RBFOX1: variants seen among roughly 807,000 people sequenced by gnomAD.
RBFOX1 encodes RNA binding protein fox-1 homolog 1.
A neutral mutation model predicts 57.7 loss-of-function variants in RBFOX1; 8 were observed. The ratio of observed to expected loss-of-function variants is 0.14; its 90% CI spans 0.08 to 0.25. The LOEUF (loss-of-function observed/expected upper bound fraction) is 0.25, where lower values mean the gene tolerates loss of function less well. Among genes scored for constraint, RBFOX1 ranks in the 10% least tolerant of loss-of-function variants. RBFOX1 has a pLI of 1.00. For synonymous variants in RBFOX1, 326 were observed against 222.4 expected (o/e 1.47, Z -4.15); for missense variants, 611 against 548.5 (o/e 1.11, Z -1.14).
intron 4 of RBFOX1, among the ~76,000 whole-genome samples, chr16:7,376,117 A>T (rs4265817): frequency 0.59 from 90,358 of 152,072 alleles, 27,733 homozygotes; most frequent in African/African-American, 0.75. Flanking sequence ...TAAAACAACA[A>T]GAAATAATAC....
At chr16:7,705,359 G>T (rs1023408644) in intron 14 of RBFOX1, among the ~76,000 whole-genome samples, 12 of 152,056 alleles carry the variant, frequency 7.9e-5, no homozygotes, top group Non-Finnish European at 1.6e-4. Flanking sequence ...AGAAAAATTA[G>T]CTGGGTGTGG....
chr16:7,130,728 A>C (rs1351252047), intron 4 of RBFOX1, among the ~76,000 whole-genome samples: 1 of 152,218 alleles, frequency 6.6e-6, no homozygotes, highest in African/African-American at 2.4e-5. Context: ...CTCGAAGCCC[A>C]TTCCTGGCCA....
rs2097739772 is a variant in RBFOX1, at chr16:6,593,306, G to A, written c.-63-61297G>A. 1.3e-5 allele frequency among the ~76,000 whole-genome samples: 2 copies of A among 152,168 alleles called. 1 individual carries two copies. Among genetic ancestry groups the A allele is most frequent in the South Asian group, 4.1e-4 (2 of 4,832 alleles). ...ATGTATTGCTCAATACAGGGTGTAA[G>A]TTTACCAGGTGGTGTTATAATCAGT... On this transcript the variant is annotated intron_variant, in intron 2 of 15. Transcript: ENST00000550418.
At chr16:7,663,653 C>G (rs573389015) in intron 12 of RBFOX1, among the ~76,000 whole-genome samples, 1 of 152,240 alleles carries the variant, frequency 6.6e-6, no homozygotes, top group South Asian at 2.1e-4. Context: ...CAGCTTCATT[C>G]AATGGTGGGG....
intron 14 of RBFOX1, among the ~76,000 whole-genome samples, chr16:7,689,420 G>A (rs181793932): frequency 1.3e-5 from 2 of 152,218 alleles, no homozygotes; most frequent in African/African-American, 4.8e-5. Context: ...AGCAGGAGGC[G>A]TGATTCCCTC....
chr16:7,092,298 T>G (rs898363205), intron 4 of RBFOX1, among the ~76,000 whole-genome samples: 1 of 152,210 alleles, frequency 6.6e-6, no homozygotes, highest in Non-Finnish European at 1.5e-5. Context: ...ATTAAAAGCC[T>G]GTATCAATTG....
chr16:6,387,671 T>A, intron 2 of RBFOX1, among the ~76,000 whole-genome samples: 1 of 152,094 alleles, frequency 6.6e-6, no homozygotes, highest in Middle Eastern at 3.4e-3. Flanking sequence ...TTTAGCTTTA[T>A]GCACTTGGGA....
chr16:6,725,201 C>T (rs1448906704), intron 3 of RBFOX1, among the ~76,000 whole-genome samples: 1 of 151,930 alleles, frequency 6.6e-6, no homozygotes, highest in African/African-American at 2.4e-5. Flanking sequence ...CAGGCACCCG[C>T]CACCATGCCC....
At chr16:7,021,757 G>C (rs1448284479) in intron 3 of RBFOX1, among the ~76,000 whole-genome samples, 1 of 150,588 alleles carries the variant, frequency 6.6e-6, no homozygotes, top group African/African-American at 2.4e-5. Context: ...AAGAGTAACA[G>C]TTTTTATTTA....
rs575852050 is a variant in RBFOX1, at chr16:7,282,408, A to G, written c.27+230310A>G. On this transcript the variant is annotated intron_variant, in intron 4 of 15. Coordinates refer to ENST00000550418, the MANE Select transcript of RBFOX1 (RefSeq NM_018723.4). The stretch of plus-strand genomic sequence containing the variant: ...TCACCCTGTATGAAGATATCTCATT[A>G]TAAGAATCAAAAGATATTTCACAAA... 8.5e-4 allele frequency among the ~76,000 whole-genome samples: 129 copies of G among 152,336 alleles called. 2 individuals are homozygous for G. Among genetic ancestry groups the G allele is most frequent in the Middle Eastern group, 3.4e-3 (1 of 294 alleles).
intron 3 of RBFOX1, among the ~76,000 whole-genome samples, chr16:6,946,586 C>G (rs904699686): frequency 6.6e-6 from 1 of 152,060 alleles, no homozygotes; most frequent in South Asian, 2.1e-4. Context: ...TCTCCAAGAA[C>G]CTTTTTTTCA....
At chr16:7,633,639 C>T (rs755426855) in intron 11 of RBFOX1, among the ~76,000 whole-genome samples, 23 of 152,206 alleles carry the variant, frequency 1.5e-4, no homozygotes, top group Non-Finnish European at 2.5e-4. Context: ...CTTCACTTGT[C>T]GAGGCTTAAG....
intron 2 of RBFOX1, among the ~76,000 whole-genome samples, chr16:6,643,000 G>T (rs976919787): frequency 2.6e-5 from 4 of 152,110 alleles, no homozygotes; most frequent in Admixed American, 1.3e-4. Flanking sequence ...TCATATTTAG[G>T]TTGAAACCAT....
Position 6,278,377 on chromosome 16 carries a change from C to CAA in RBFOX1, c.-126-38584_-126-38583dup, listed in dbSNP as rs57523660. 6.3e-3 allele frequency among the ~76,000 whole-genome samples: 177 copies of CAA among 28,070 alleles called. 39 individuals carry two copies. Among genetic ancestry groups the CAA allele is most frequent in the Middle Eastern group, 0.05 (1 of 20 alleles). 18.4% of individuals were successfully genotyped at this position (28,070 alleles called of 152,430 possible). A position where few individuals can be genotyped will look rare whatever the true frequency, so the allele number is the denominator to read the frequency against. On this transcript the variant is annotated intron_variant, in intron 1 of 15. Coordinates refer to ENST00000550418, the MANE Select transcript of RBFOX1 (RefSeq NM_018723.4). ...AACTGGGGGAAATTGTAGGACTCAC[C>CAA]AAAAAAAAAAAAAAAAAAAAAAAAA...
chr16:5,323,869 C>G (rs906657029), intron 1 of RBFOX1, among the ~76,000 whole-genome samples: 3 of 152,178 alleles, frequency 2.0e-5, no homozygotes, highest in African/African-American at 7.2e-5. Context: ...ATGGGTTCAG[C>G]AGCGTTGTGA....
At chr16:5,959,971 C>T (rs1042757905) in intron 4 of RBFOX1, among the ~76,000 whole-genome samples, 3 of 152,156 alleles carry the variant, frequency 2.0e-5, no homozygotes, top group South Asian at 2.1e-4. Context: ...GAGGCAGAGG[C>T]GGGGGGATCA....
intron 2 of RBFOX1, among the ~76,000 whole-genome samples, chr16:6,551,688 A>G (rs534030730): frequency 2.1e-4 from 32 of 152,344 alleles, no homozygotes; most frequent in Middle Eastern, 3.4e-3. Context: ...AGATAAGACT[A>G]TTAAAAGATT....
intron 3 of RBFOX1, among the ~76,000 whole-genome samples, chr16:6,718,202 G>T (rs575656150): frequency 1.8e-4 from 27 of 152,110 alleles, no homozygotes; most frequent in Non-Finnish European, 3.5e-4. Flanking sequence ...CTCACAACAT[G>T]AAATAATAAC....
At chr16:7,359,814 C>G (rs866536225) in intron 4 of RBFOX1, among the ~76,000 whole-genome samples, 18 of 152,060 alleles carry the variant, frequency 1.2e-4, no homozygotes, top group African/African-American at 4.3e-4. Context: ...GAAACCCCGT[C>G]TCTACTGAAA....
Sources: gnomAD v4.1 joint callset for allele counts (sites outside exome capture counted in the v4.1 genomes callset) on GRCh38, gnomAD v4.1.1 for gene constraint, MANE v1.5 for transcripts, NCBI Gene and HGNC (gene_info 2026-07-23, HGNC 2026-07-21) for gene names.